Variants in SH3RF2 observed in about 807,000 individuals in gnomAD.
The protein encoded by SH3RF2 is SH3 domain containing ring finger 2.
In SH3RF2, 43 loss-of-function variants were observed where a neutral mutation model predicts 59.0. The ratio of observed to expected loss-of-function variants is 0.73; its 90% CI spans 0.57 to 0.94. The LOEUF (loss-of-function observed/expected upper bound fraction) is 0.94. SH3RF2 is among the 40% of genes least tolerant of loss of function. The pLI is 0.00. For synonymous variants in SH3RF2, 391 were observed against 391.5 expected (o/e 1.00, Z 0.01); for missense variants, 930 against 940.1 (o/e 0.99, Z 0.14).
intron 3 of SH3RF2, among the ~76,000 whole-genome samples, chr5:146,002,631 C>T (rs565516658): frequency 3.9e-4 from 60 of 152,236 alleles, no homozygotes; most frequent in East Asian, 1.9e-4. Flanking sequence ...TGTGAGGAAA[C>T]GGGCCGCACA....
At chr5:146,065,459 T>A (rs1356362552), downstream of SH3RF2, among the ~76,000 whole-genome samples, 1 of 152,212 alleles carries the variant, frequency 6.6e-6, no homozygotes, top group African/African-American at 2.4e-5. Context: ...AAATATTTAG[T>A]CTATCCCTCA....
In SH3RF2 at chr5:145,937,830, T is replaced by A; in HGVS notation, c.-99T>A. 2 of 1,448,364 alleles carry A rather than the reference T, an allele frequency of 1.4e-6. No homozygotes were observed. Among genetic ancestry groups the A allele is most frequent in the Non-Finnish European group, 1.8e-6 (2 of 1,083,164 alleles). The allele number at this position is 1,448,364 out of a possible 1,614,324, so 89.7% of individuals were successfully genotyped here. A position where few individuals can be genotyped will look rare whatever the true frequency, so the allele number is the denominator to read the frequency against. On this transcript the variant is annotated 5_prime_UTR_variant, in exon 2 of 10. Transcript: ENST00000359120. ...TCTCCCTCCTTCAAGCAGGCAAAAATTCTGACGTTCTCAAGAGACCAGCTC... is the reference window on the plus strand; with the variant it reads ...TCTCCCTCCTTCAAGCAGGCAAAAAATCTGACGTTCTCAAGAGACCAGCTC...
intron 2 of SH3RF2, among the ~76,000 whole-genome samples, chr5:145,965,661 T>G (rs1758830980): frequency 6.6e-6 from 1 of 152,200 alleles, no homozygotes. Context: ...GAAGCATCAT[T>G]CATCCTTTCA....
At chr5:146,035,855 A>G (rs1761918523) in intron 5 of SH3RF2, among the ~76,000 whole-genome samples, 1 of 152,128 alleles carries the variant, frequency 6.6e-6, no homozygotes, top group Non-Finnish European at 1.5e-5. Flanking sequence ...TAGGACAGAT[A>G]GTAGGTTTGA....
At position 145,943,198 on chromosome 5, in the gene SH3RF2, GCA is replaced by G. The variant is rs549997825; in HGVS notation, c.378+4901_378+4902del. 2.6e-5 allele frequency among the ~76,000 whole-genome samples: 4 copies of G among 151,110 alleles called. No homozygotes were observed. The South Asian group carries it at 8.3e-4, about 31-fold the overall frequency. On this transcript the variant is annotated intron_variant, in intron 2 of 9. Transcript: ENST00000359120. ...AAGTCAGCTGGCACTAGAGTTCTTT[GCA>G]CACACACAGAAACATGCAGGGATCT...
intron 5 of SH3RF2, among the ~76,000 whole-genome samples, chr5:146,047,154 C>CGTGTGTGTGTGTGTGT (rs35750777): frequency 0.25 from 36,693 of 147,954 alleles, 5,397 homozygotes; most frequent in Non-Finnish European, 0.33. Flanking sequence ...ATTGGATAGG[C>CGTGTGTGTGTGTGTGT]GTGTGTGTGT....
rs139087813 is a variant in SH3RF2 at position 145,977,381 on chromosome 5, T to C, written c.379-22677T>C. ...CATTAATTCTCATCACATACAGTAA[T>C]AAAAGCTAGTACCTATTGAGTACTT... On this transcript the variant is annotated intron_variant, in intron 2 of 9. Transcript: ENST00000359120. 3.2e-3 allele frequency among the ~76,000 whole-genome samples: 483 copies of C among 152,292 alleles called. 1 individual carries two copies. The highest frequency in any genetic ancestry group is 0.01 in the African/African-American group (436 of 41,578).
intron 7 of SH3RF2, chr5:146,055,701 GA>G: frequency 2.1e-6 from 1 of 475,006 alleles, no homozygotes; most frequent in East Asian, 3.9e-5. Flanking sequence ...GAACTGGAGT[GA>G]AAAAGGATGA....
intron 2 of SH3RF2, among the ~76,000 whole-genome samples, chr5:145,965,401 T>C (rs576294528): frequency 6.6e-6 from 1 of 152,230 alleles, no homozygotes; most frequent in East Asian, 1.9e-4. Context: ...CCAGAGTAAT[T>C]GATAAGCTGT....
chr5:146,014,733 T>C (rs981386483), intron 5 of SH3RF2, among the ~76,000 whole-genome samples: 62 of 152,136 alleles, frequency 4.1e-4, no homozygotes, highest in African/African-American at 1.4e-3. Flanking sequence ...AATAAGATAA[T>C]GCATGTAAAG....
chr5:146,022,874 AACACACACACAC>A (rs57377156), intron 5 of SH3RF2, among the ~76,000 whole-genome samples: 4,849 of 141,988 alleles, frequency 0.034, 119 homozygotes, highest in Middle Eastern at 0.11. Context: ...GCTCCATCTA[AACACACACACAC>A]ACACACACAC....
intron 2 of SH3RF2, among the ~76,000 whole-genome samples, chr5:145,941,970 A>G (rs1344534497): frequency 6.6e-6 from 1 of 152,180 alleles, no homozygotes. Flanking sequence ...CTTATTAAGC[A>G]AGTGCCATCC....
rs1364775576 is a variant in SH3RF2 at position 145,937,283 on chromosome 5, A to T, written c.-106-540A>T. The T allele has an allele frequency of 2.0e-5, 3 of 152,220 alleles. No individual in the cohort carries two copies. In the East Asian group the frequency reaches 5.8e-4, roughly 29 times the overall value. 9.4% of individuals were successfully genotyped at this position (152,220 alleles called of 1,614,324 possible). On this transcript the variant is annotated intron_variant, in intron 1 of 9. Transcript: ENST00000359120. The stretch of plus-strand genomic sequence containing the variant: ...TTTCTAGTGGAAATTTTTCTTGTAC[A>T]TTGCTAGAATCATGTGGGAAGGTAT...
Position 146,013,765 on chromosome 5 carries a change from C to T in SH3RF2, c.763C>T (p.His255Tyr). The T allele has an allele frequency of 1.2e-6, 2 of 1,613,996 alleles. No individual in the cohort carries two copies. Among genetic ancestry groups the T allele is most frequent in the Non-Finnish European group, 1.7e-6 (2 of 1,179,982 alleles). Residue 255 changes from histidine (H) to tyrosine (Y), a missense_variant, in exon 5 of 10, where the codon CAC (histidine) becomes TAC (tyrosine). Physicochemically the swap from His to Tyr is moderately conservative, Grantham distance 83 (BLOSUM62 2). Coordinates refer to ENST00000359120, the MANE Select transcript of SH3RF2 (RefSeq NM_152550.4). ...TTTTCAGCCAAACCTCACCGCAAGA[C>T]ACCTTTTAGAGAAGAACAAAGGTCG... ...LFVEPNLTAR[H>Y]LLEKNKGRQS...
intron 9 of SH3RF2, among the ~76,000 whole-genome samples, chr5:146,074,140 C>T (rs1438885120): frequency 2.7e-5 from 4 of 150,700 alleles, no homozygotes; most frequent in African/African-American, 4.9e-5. Flanking sequence ...CCCGGGTTCA[C>T]GCCATTCTCC....
At chr5:145,952,748 G>A (rs1327731866) in intron 2 of SH3RF2, among the ~76,000 whole-genome samples, 2 of 152,208 alleles carry the variant, frequency 1.3e-5, no homozygotes, top group Non-Finnish European at 2.9e-5. Context: ...TATCTGGGAG[G>A]CGTAAGGACA....
Position 145,938,156 on chromosome 5 carries a change from G to A in SH3RF2, c.228G>A (p.Val76=), listed in dbSNP as rs1317154213. Residue 76 remains valine, a synonymous_variant, in exon 2 of 10, where the codon GTG becomes GTA. Transcript: ENST00000359120. The part of the protein sequence containing the change: ...NLLLVRLLDG[V]RSGQSSGRGG... Reference sequence around the variant, plus strand: ...TGCTCGTGCGCCTTCTGGATGGAGTGCGCTCAGGGCAGAGCTCCGGGAGAG... The same window carrying A: ...TGCTCGTGCGCCTTCTGGATGGAGTACGCTCAGGGCAGAGCTCCGGGAGAG... 1 of 1,614,064 alleles carries A rather than the reference G, an allele frequency of 6.2e-7. No individual in the cohort carries two copies. Among genetic ancestry groups the A allele is most frequent in the African/African-American group, 1.3e-5 (1 of 74,936 alleles).
chr5:145,974,341 C>A (rs1759203237), intron 2 of SH3RF2, among the ~76,000 whole-genome samples: 1 of 152,004 alleles, frequency 6.6e-6, no homozygotes, highest in South Asian at 2.1e-4. Context: ...TAGAAACAAG[C>A]CACAGATCCC....
chr5:146,039,640 T>A (rs1762058673), intron 5 of SH3RF2, among the ~76,000 whole-genome samples: 1 of 152,202 alleles, frequency 6.6e-6, no homozygotes, highest in Non-Finnish European at 1.5e-5. Context: ...TAATTGTCAT[T>A]CACTGCTGGT....
Sources: allele counts gnomAD v4.1 joint callset (sites outside exome capture counted in the v4.1 genomes callset), GRCh38; gene constraint gnomAD v4.1.1; transcripts MANE v1.5; gene names NCBI Gene and HGNC (gene_info 2026-07-23, HGNC 2026-07-21).